Variants in PDPR observed in about 807,000 individuals in gnomAD.
PDPR encodes pyruvate dehydrogenase phosphatase regulatory subunit, mitochondrial.
PDPR carries 50 observed loss-of-function variants against 102.2 expected under a neutral mutation model. The observed-to-expected ratio is 0.49, with a 90% CI of 0.39 to 0.62. PDPR has a LOEUF of 0.62. Ranked by LOEUF, PDPR falls within the 20% of genes least tolerant of loss-of-function variation. PDPR has a pLI of 0.00. For missense variants in PDPR, 625 were observed against 1,098.2 expected (o/e 0.57, Z 6.09); for synonymous variants, 259 against 406.0 (o/e 0.64, Z 4.35).
At chr16:70,134,795 AAAAAT>A (rs1964935815) in intron 9 of PDPR, among the ~76,000 whole-genome samples, 3 of 135,146 alleles carry the variant, frequency 2.2e-5, no homozygotes, top group Non-Finnish European at 3.1e-5. Context: ...CAAAAAAAAA[AAAAAT>A]AATAATAATA....
rs900022242 is a variant in PDPR at position 70,159,124 on chromosome 16, A to G, written c.*2245A>G. ...AGAAGCTTCATCAGAAATGTATCCCACATAGAGTTTTAAGACTTGGATTCT... is the reference window on the plus strand; with the variant it reads ...AGAAGCTTCATCAGAAATGTATCCCGCATAGAGTTTTAAGACTTGGATTCT... On this transcript the variant is annotated 3_prime_UTR_variant, in exon 19 of 19. Coordinates refer to ENST00000288050, the MANE Select transcript of PDPR (RefSeq NM_017990.5). 6.6e-6 allele frequency: 1 copy of G among 152,356 alleles called. No individual in the cohort carries two copies. Among genetic ancestry groups the G allele is most frequent in the Admixed American group, 6.5e-5 (1 of 15,290 alleles). The allele number at this position is 152,356 out of a possible 1,614,324, so 9.4% of individuals were successfully genotyped here.
intron 17 of PDPR, among the ~76,000 whole-genome samples, chr16:70,152,808 T>C (rs1026236639): frequency 2.0e-5 from 3 of 152,304 alleles, no homozygotes; most frequent in Non-Finnish European, 4.4e-5. Flanking sequence ...TCTGATAACG[T>C]ACATGTTTCT....
rs1296579544 is a variant in PDPR, at chr16:70,157,917, C to G, written c.*1038C>G. The G allele has an allele frequency of 1.9e-5, 3 of 155,168 alleles. No individual in the cohort carries two copies. Among genetic ancestry groups the G allele is most frequent in the East Asian group, 3.8e-4 (2 of 5,220 alleles). 9.6% of individuals were successfully genotyped at this position (155,168 alleles called of 1,614,324 possible). On this transcript the variant is annotated 3_prime_UTR_variant, in exon 19 of 19. Coordinates refer to ENST00000288050, the MANE Select transcript of PDPR (RefSeq NM_017990.5). ...GAGGGGAAGGGATCAGGTGTGTTGT[C>G]CTGGGCCTTTCAACCTTGCGGGCTG...
chr16:70,141,472 A>G (rs1005780272), intron 11 of PDPR, among the ~76,000 whole-genome samples: 1 of 152,280 alleles, frequency 6.6e-6, no homozygotes, highest in African/African-American at 2.4e-5. Context: ...TTCACTTCAG[A>G]AGTGAGTTAA....
chr16:70,151,060 G>A (rs1349059962), intron 17 of PDPR, among the ~76,000 whole-genome samples: 5 of 152,342 alleles, frequency 3.3e-5, no homozygotes, highest in Non-Finnish European at 5.9e-5. Flanking sequence ...TCAGCCTCCT[G>A]AGTAGCTGGG....
intron 8 of PDPR, 55 bp downstream of exon 8, chr16:70,131,474 C>T: frequency 2.1e-6 from 3 of 1,459,914 alleles, no homozygotes; most frequent in Non-Finnish European, 2.8e-6. Context: ...ATCCTGTCCT[C>T]TGAAAAGGAA....
chr16:70,131,857 C>G (rs1406701216), intron 8 of PDPR: 1 of 1,423,136 alleles, frequency 7.0e-7, no homozygotes, highest in Non-Finnish European at 9.3e-7. Context: ...GTTAAACTTT[C>G]GCTTGGCACA....
At chr16:70,148,277 G>A (rs1187266256) in intron 16 of PDPR, among the ~76,000 whole-genome samples, 187 bp from the exon 17 acceptor site, 1 of 152,236 alleles carries the variant, frequency 6.6e-6, no homozygotes, top group African/African-American at 2.4e-5. Context: ...TGTCACATAG[G>A]CAGTGCTCCA....
rs1967801701 is a variant in PDPR, at chr16:70,161,649, A to G, written c.*4770A>G. The G allele has an allele frequency of 2.0e-5, 3 of 152,646 alleles. No individual in the cohort carries two copies. Among genetic ancestry groups the G allele is most frequent in the Non-Finnish European group, 4.4e-5 (3 of 68,260 alleles). 9.5% of individuals were successfully genotyped at this position (152,646 alleles called of 1,614,324 possible). A position where few individuals can be genotyped will look rare whatever the true frequency, so the allele number is the denominator to read the frequency against. ...TGTAAGGCTCCTCCATTGTCAGTAC[A>G]GGGCTCGCCTTTGTAGCCCTGATCA... On this transcript the variant is annotated 3_prime_UTR_variant, in exon 19 of 19. Transcript: ENST00000288050.
intron 16 of PDPR, among the ~76,000 whole-genome samples, chr16:70,147,360 A>G (rs1966321230): frequency 6.6e-6 from 1 of 152,262 alleles, no homozygotes; most frequent in African/African-American, 2.4e-5. Flanking sequence ...GCACTGGATT[A>G]AAATTTGAAG....
chr16:70,120,516 G>A lies in PDPR; in HGVS notation c.24G>A (p.Ser8=), dbSNP rs1378857382. 6.8e-6 allele frequency: 11 copies of A among 1,613,826 alleles called. No individual in the cohort carries two copies. Among genetic ancestry groups the A allele is most frequent in the East Asian group, 4.5e-5 (2 of 44,906 alleles). ...ACATGATGTTCTACCGGTTGCTGTC[G>A]ATTGTTGGAAGACAAAGAGCCAGCC... is the stretch of plus-strand genomic sequence containing the variant. MMFYRLL[S]IVGRQRASPG... The change falls in exon 3 of 19, where the codon TCG becomes TCA. Residue 8 remains serine, a synonymous_variant. Transcript: ENST00000288050.
intron 9 of PDPR, among the ~76,000 whole-genome samples, chr16:70,134,310 C>G (rs954655662): frequency 2.0e-5 from 3 of 152,058 alleles, no homozygotes; most frequent in African/African-American, 7.2e-5. Flanking sequence ...ACTGCATCCT[C>G]CGCCTCCTGG....
intron 17 of PDPR, among the ~76,000 whole-genome samples, chr16:70,152,998 G>A (rs529982440): frequency 3.9e-5 from 6 of 152,408 alleles, no homozygotes; most frequent in Admixed American, 2.6e-4. Context: ...GGAAATTGGA[G>A]CAAAAGAACA....
intron 11 of PDPR, among the ~76,000 whole-genome samples, chr16:70,139,964 C>T (rs1312151236): frequency 6.6e-6 from 1 of 152,208 alleles, no homozygotes; most frequent in Non-Finnish European, 1.5e-5. Flanking sequence ...AGAGGATGTA[C>T]ATCCATGGAG....
In PDPR at chr16:70,131,757, G is replaced by C. The variant is rs1318694733; in HGVS notation, c.847+338G>C. The C allele has an allele frequency of 3.0e-6, 3 of 985,260 alleles. No individual in the cohort carries two copies. The African/African-American group carries it at 5.2e-5, about 17-fold the overall frequency. 61.0% of individuals were successfully genotyped at this position (985,260 alleles called of 1,614,324 possible). On this transcript the variant is annotated intron_variant, in intron 8 of 18. Transcript: ENST00000288050. ...TCATAGGTAAACAATAGACTTAGGT[G>C]GGTTCGTGGTTCCAAGCACTGTAGG...
At chr16:70,125,592 TA>T in intron 3 of PDPR, among the ~76,000 whole-genome samples, 1 of 147,112 alleles carries the variant, frequency 6.8e-6, no homozygotes, top group Non-Finnish European at 1.5e-5. Context: ...TATATATATG[TA>T]AAAGAGTATA....
rs1265959081 is a variant in PDPR, at chr16:70,153,397, C to T, written c.2059C>T (p.Leu687=). 10 of 1,613,032 alleles carry T rather than the reference C, an allele frequency of 6.2e-6. No individual in the cohort carries two copies. Among genetic ancestry groups the T allele is most frequent in the South Asian group, 1.1e-5 (1 of 90,900 alleles). ...FMLYIPIEYA[L]HVYNEVMSVG... is the part of the protein sequence containing the mutation. ...TTTCTGTCTCTTCCTATAGTACGCC[C>T]TGCATGTATACAATGAAGTGATGAG... Residue 687 remains leucine (L), a synonymous_variant, in exon 18 of 19, where the codon CTG becomes TTG. Transcript: ENST00000288050.
At chr16:70,153,767 T>C (rs1966859128) in intron 18 of PDPR, among the ~76,000 whole-genome samples, 194 bp downstream of exon 18, 1 of 152,264 alleles carries the variant, frequency 6.6e-6, no homozygotes, top group South Asian at 2.1e-4. Context: ...AATGAAAACA[T>C]AATAATGGTG....
chr16:70,129,816 G>C (rs773549403), intron 6 of PDPR, among the ~76,000 whole-genome samples: 108 of 152,364 alleles, frequency 7.1e-4, no homozygotes, highest in South Asian at 2.1e-3. Context: ...CATGGTATGA[G>C]CAGGTTAGCA....
Sources: gnomAD v4.1 joint callset for allele counts (sites outside exome capture counted in the v4.1 genomes callset) on GRCh38, gnomAD v4.1.1 for gene constraint, MANE v1.5 for transcripts, NCBI Gene and HGNC (gene_info 2026-07-23, HGNC 2026-07-21) for gene names.